Variants in EYS observed in about 807,000 individuals in gnomAD.
EYS encodes protein eyes shut homolog.
In EYS, 250 loss-of-function variants were observed where a neutral mutation model predicts 282.1. The observed-to-expected ratio is 0.89, with a 90% confidence interval of 0.80 to 0.98. EYS has a LOEUF of 0.98. Ranked by LOEUF, EYS falls within the 50% of genes least tolerant of loss-of-function variation. The probability of loss-of-function intolerance (pLI) is 0.00; values close to 1 mark genes in which losing one functional copy is unlikely to be tolerated. For synonymous variants in EYS, 1,355 were observed against 1,282.9 expected, an observed-to-expected ratio of 1.06 and a Z score of -1.20; for missense variants, 4,016 against 3,709.0, an observed-to-expected ratio of 1.08 and a Z score of -2.15.
At chr6:64,399,485 AT>A (rs1481852752) in intron 28 of EYS, among the ~76,000 whole-genome samples, 1 of 151,846 alleles carries the variant, frequency 6.6e-6, no homozygotes, top group Admixed American at 6.6e-5. Context: ...CACCACAATT[AT>A]GTAGTAATTA....
Position 63,850,746 on chromosome 6 carries a change from A to T in EYS, c.7228+13440T>A, listed in dbSNP as rs143820832. On this transcript the variant is annotated intron_variant, in intron 36 of 42. Transcript: ENST00000503581. ...ATACGAAAATATAAAGAACAAGAGC[A>T]TTATGAAGAAACTGACCAAACAATG... 2.3e-3 allele frequency among the ~76,000 whole-genome samples: 348 copies of T among 152,334 alleles called. 1 individual carries two copies. The highest frequency in any genetic ancestry group is 4.8e-3 in the Admixed American group (73 of 15,300).
In EYS at chr6:64,475,346, T is replaced by G. The variant is rs1262635798; in HGVS notation, c.5645-35994A>C. Among the ~76,000 whole-genome samples, 5 of 130,454 alleles carry G rather than the reference T, an allele frequency of 3.8e-5. 2 individuals are homozygous for G. Among genetic ancestry groups the G allele is most frequent in the African/African-American group, 1.1e-4 (4 of 37,150 alleles). The allele number at this position is 130,454 out of a possible 152,430, so 85.6% of individuals were successfully genotyped here. A position where few individuals can be genotyped will look rare whatever the true frequency, so the allele number is the denominator to read the frequency against. ...GCGGGCGGATCACAAGGTCAGGAGA[T>G]CGAGACCATCCCGGCTAAAACGGTG... is the stretch of plus-strand genomic sequence containing the variant. On this transcript the variant is annotated intron_variant, in intron 26 of 42. Coordinates refer to ENST00000503581, the MANE Select transcript of EYS (RefSeq NM_001142800.2).
At chr6:65,044,583 C>T in intron 13 of EYS, among the ~76,000 whole-genome samples, 1 of 151,738 alleles carries the variant, frequency 6.6e-6, no homozygotes, top group East Asian at 1.9e-4. Flanking sequence ...GTTGCATTGT[C>T]TCTGGATTCT....
chr6:64,029,728 A>G (rs1169258615), intron 33 of EYS, among the ~76,000 whole-genome samples: 1 of 152,246 alleles, frequency 6.6e-6, no homozygotes, highest in East Asian at 1.9e-4. Context: ...ATAGTTAGTG[A>G]TGTCACCATA....
intron 5 of EYS, among the ~76,000 whole-genome samples, chr6:65,413,008 G>T (rs1267578234): frequency 6.6e-6 from 1 of 151,922 alleles, no homozygotes; most frequent in African/African-American, 2.4e-5. Flanking sequence ...TCTGTGCCTT[G>T]GATTTTTAAT....
At chr6:64,633,705 T>C (rs982138625) in intron 22 of EYS, among the ~76,000 whole-genome samples, 3 of 151,982 alleles carry the variant, frequency 2.0e-5, no homozygotes, top group Non-Finnish European at 4.4e-5. Flanking sequence ...CTACTCTGTT[T>C]GGATCTCTTG....
At chr6:65,373,782 T>C (rs1258935531) in intron 8 of EYS, among the ~76,000 whole-genome samples, 2 of 152,160 alleles carry the variant, frequency 1.3e-5, no homozygotes, top group Non-Finnish European at 2.9e-5. Flanking sequence ...AATAATATTA[T>C]AATGAACATT....
chr6:63,764,606 G>A (rs1769737165), intron 40 of EYS, among the ~76,000 whole-genome samples: 1 of 151,696 alleles, frequency 6.6e-6, no homozygotes, highest in Admixed American at 6.6e-5. Context: ...GCTCACAATG[G>A]TAAAATATTT....
intron 23 of EYS, among the ~76,000 whole-genome samples, chr6:64,620,250 G>A (rs1221590284): frequency 1.3e-5 from 2 of 152,096 alleles, no homozygotes; most frequent in Non-Finnish European, 2.9e-5. Context: ...TAGGATTTTT[G>A]AGTTCAAGAG....
intron 12 of EYS, among the ~76,000 whole-genome samples, chr6:65,274,089 C>T (rs1767976509): frequency 6.6e-6 from 1 of 152,082 alleles, no homozygotes; most frequent in East Asian, 1.9e-4. Context: ...CCCAGACACA[C>T]CCTGTGGTTA....
At chr6:64,587,218 G>A (rs1417701705) in intron 26 of EYS, among the ~76,000 whole-genome samples, 1 of 151,916 alleles carries the variant, frequency 6.6e-6, no homozygotes, top group Non-Finnish European at 1.5e-5. Context: ...AATACAAAGT[G>A]GGAAAGTCAC....
At chr6:64,137,088 A>G (rs1023687685) in intron 31 of EYS, among the ~76,000 whole-genome samples, 1 of 152,140 alleles carries the variant, frequency 6.6e-6, no homozygotes, top group Non-Finnish European at 1.5e-5. Flanking sequence ...CTTCTACATC[A>G]TCACTTGTTG....
chr6:65,037,891 A>C (rs1772817945), intron 13 of EYS, among the ~76,000 whole-genome samples: 1 of 151,720 alleles, frequency 6.6e-6, no homozygotes, highest in African/African-American at 2.4e-5. Flanking sequence ...ATTAAAAAAC[A>C]TGAGTTTATA....
chr6:63,731,540 AC>A (rs1221054148), intron 41 of EYS, among the ~76,000 whole-genome samples: 1 of 152,132 alleles, frequency 6.6e-6, no homozygotes, highest in Admixed American at 6.5e-5. Context: ...TTTACAATTT[AC>A]TTGTTTTGTC....
intron 12 of EYS, among the ~76,000 whole-genome samples, chr6:65,222,827 T>G (rs558888665): frequency 6.6e-6 from 1 of 152,166 alleles, no homozygotes; most frequent in African/African-American, 2.4e-5. Context: ...CGAGAAGATA[T>G]CACAGTAAGA....
intron 12 of EYS, among the ~76,000 whole-genome samples, chr6:65,071,697 A>G (rs1773907695): frequency 6.6e-6 from 1 of 151,832 alleles, no homozygotes; most frequent in African/African-American, 2.4e-5. Flanking sequence ...GGGCCTGAAG[A>G]CAAGATAATT....
At position 64,454,901 on chromosome 6, in the gene EYS, A is replaced by T. The variant is rs116064954; in HGVS notation, c.5645-15549T>A. Among the ~76,000 whole-genome samples the T allele has an allele frequency of 4.8e-3, 735 of 152,294 alleles. 8 individuals are homozygous for T. Among genetic ancestry groups the T allele is most frequent in the African/African-American group, 0.017 (698 of 41,550 alleles). On this transcript the variant is annotated intron_variant, in intron 26 of 42. Coordinates refer to ENST00000503581, the MANE Select transcript of EYS (RefSeq NM_001142800.2). ...TATGACATTTTTAATGTAGTTTCGT[A>T]ATTTATCTTCATAAAGAGCATGTGC...
intron 26 of EYS, among the ~76,000 whole-genome samples, chr6:64,508,109 A>G (rs1777271095): frequency 6.6e-6 from 1 of 152,180 alleles, no homozygotes; most frequent in Non-Finnish European, 1.5e-5. Flanking sequence ...GGAAACAATG[A>G]AACTGGAATA....
chr6:64,344,275 T>C (rs1428492724), intron 29 of EYS, among the ~76,000 whole-genome samples: 2 of 152,046 alleles, frequency 1.3e-5, no homozygotes, highest in Non-Finnish European at 2.9e-5. Context: ...TTTAGACCAA[T>C]ATCCTTGATG....
Sources: gnomAD v4.1 joint callset for allele counts (sites outside exome capture counted in the v4.1 genomes callset) on GRCh38, gnomAD v4.1.1 for gene constraint, MANE v1.5 for transcripts, NCBI Gene and HGNC (gene_info 2026-07-23, HGNC 2026-07-21) for gene names.